The following GABBR1 variants were observed in gnomAD, a reference collection of about 807,000 sequenced individuals.
GABBR1 encodes the protein GABA-B receptor, R1 subunit.
Under a neutral mutation model 117.7 loss-of-function variants are expected in GABBR1, and 35 were observed. That is an observed-to-expected ratio of 0.30 (90% CI 0.23 to 0.39). The LOEUF (loss-of-function observed/expected upper bound fraction) is 0.39, where lower values mean the gene tolerates loss of function less well. Among genes scored for constraint, GABBR1 ranks in the 10% least tolerant of loss-of-function variants. The probability of loss-of-function intolerance (pLI) is 1.00; values close to 1 mark genes in which losing one functional copy is unlikely to be tolerated. For missense variants in GABBR1, 709 were observed against 1,241.8 expected (o/e 0.57, Z 6.45); for synonymous variants, 442 against 486.6 (o/e 0.91, Z 1.21).
At position 29,621,266 on chromosome 6, in the gene GABBR1, C is replaced by G; in HGVS notation, c.1158G>C (p.Lys386Asn). 6.2e-7 allele frequency: 1 copy of G among 1,612,988 alleles called. No homozygotes were observed. ...CEVYKERLFG[K>N]KYVWFLIGWY... ...ACCCAATGAGGAACCAGACGTACTT[C>G]TTCCCAAAGAGACGCTCCTTGTACA... is the stretch of plus-strand genomic sequence containing the variant. Residue 386 changes from lysine to asparagine, a missense_variant, in exon 11 of 23, where the codon AAG becomes AAC. Transcript: ENST00000377034. The surrounding 1 kb of genome is among the most constrained non-coding windows in gnomAD (Gnocchi z 5.0).
Position 29,632,433 on chromosome 6 carries a change from G to T in GABBR1, c.1-48C>A. 7.7e-7 allele frequency: 1 copy of T among 1,299,106 alleles called. No individual in the cohort carries two copies. 80.5% of individuals were successfully genotyped at this position (1,299,106 alleles called of 1,614,324 possible). A position where few individuals can be genotyped will look rare whatever the true frequency, so the allele number is the denominator to read the frequency against. Reference sequence around the variant, plus strand: ...GACTGGACCGAGCCCCGCCGGCGCGGCCCGCACCCGGAGACTACTCGACCT... The same window carrying T: ...GACTGGACCGAGCCCCGCCGGCGCGTCCCGCACCCGGAGACTACTCGACCT... On this transcript the variant is annotated intron_variant, in intron 1 of 22. Transcript: ENST00000377034. The surrounding 1 kb of genome is among the most constrained non-coding windows in gnomAD (Gnocchi z 5.8).
At chr6:29,624,117 T>G in intron 6 of GABBR1, 93 bp from the exon 7 acceptor site, 1 of 1,230,214 alleles carries the variant, frequency 8.1e-7, no homozygotes, top group Non-Finnish European at 1.1e-6. Context: ...AATTAGTTCC[T>G]TTCTCAATTA....
chr6:29,630,910 A>G lies in GABBR1; in HGVS notation c.290-267T>C, dbSNP rs950811377. On this transcript the variant is annotated intron_variant, in intron 3 of 22. Coordinates refer to ENST00000377034, the MANE Select transcript of GABBR1 (RefSeq NM_001470.4). The surrounding 1 kb of genome is among the most constrained non-coding windows in gnomAD (Gnocchi z 4.9). ...AAATGGGATCTCTTCAAAGTCAGCT[A>G]CAGTGGGCGGTTCTCTGGCTTTGAA... is the stretch of plus-strand genomic sequence containing the variant. 1.3e-5 allele frequency among the ~76,000 whole-genome samples: 2 copies of G among 152,222 alleles called. No individual in the cohort carries two copies. The highest frequency in any genetic ancestry group is 4.8e-5 in the African/African-American group (2 of 41,466).
At position 29,621,666 on chromosome 6, in the gene GABBR1, C is replaced by T; in HGVS notation, c.1131+86G>A. 8.5e-7 allele frequency: 1 copy of T among 1,172,944 alleles called. No homozygotes were observed. Among genetic ancestry groups the T allele is most frequent in the Non-Finnish European group, 1.3e-6 (1 of 779,982 alleles). 72.7% of individuals were successfully genotyped at this position (1,172,944 alleles called of 1,614,324 possible). On this transcript the variant is annotated intron_variant, in intron 10 of 22. Coordinates refer to ENST00000377034, the MANE Select transcript of GABBR1 (RefSeq NM_001470.4). This position sits in a 1 kb window ranked among gnomAD's most constrained non-coding sequence, Gnocchi z 5.0. ...CACCTCAGATCATATGCTATCAACTCAGGCACAGATGCCAAGAGGAGGCCC... is the reference window on the plus strand; with the variant it reads ...CACCTCAGATCATATGCTATCAACTTAGGCACAGATGCCAAGAGGAGGCCC...
Position 29,604,837 on chromosome 6 carries a change from T to C in GABBR1, c.2568+23A>G. ...GGAGGGAACATGGGAACAAAGAGGG[T>C]GGGAGAAAAGCCAGATCCTTACCTT... On this transcript the variant is annotated intron_variant, in intron 21 of 22. Transcript: ENST00000377034. The surrounding 1 kb of genome is among the most constrained non-coding windows in gnomAD (Gnocchi z 5.3). The C allele has an allele frequency of 6.2e-7, 1 of 1,606,678 alleles. No homozygotes were observed. Among genetic ancestry groups the C allele is most frequent in the Middle Eastern group, 1.7e-4 (1 of 6,016 alleles).
At position 29,608,630 on chromosome 6, in the gene GABBR1, C is replaced by T. The variant is rs144688306; in HGVS notation, c.1963G>A (p.Gly655Arg). ...CAGACGAAAGGAAACTGGTTCCTCCCAATGTGGTAACCATCGAGCCCCAGG... is the reference window on the plus strand; with the variant it reads ...CAGACGAAAGGAAACTGGTTCCTCCTAATGTGGTAACCATCGAGCCCCAGG... ...FPLGLDGYHIGRNQFPFVCQA... is the reference protein window; with the variant it reads ...FPLGLDGYHIRRNQFPFVCQA... The change falls in exon 16 of 23, where the codon GGG becomes AGG. Residue 655 changes from glycine (G) to arginine (R), a missense_variant. Around this residue, in one of 9 missense-constraint regions of GABBR1, gnomAD observed 251 missense variants for 445.3 expected, o/e 0.56. Coordinates refer to ENST00000377034, the MANE Select transcript of GABBR1 (RefSeq NM_001470.4). 1.9e-4 allele frequency: 299 copies of T among 1,612,848 alleles called. No individual in the cohort carries two copies. Among genetic ancestry groups the T allele is most frequent in the Non-Finnish European group, 2.3e-4 (275 of 1,179,990 alleles).
intron 22 of GABBR1, 116 bp from the exon 23 acceptor site, chr6:29,603,832 G>A (rs10946999): frequency 1.8e-5 from 12 of 666,258 alleles, no homozygotes; most frequent in Non-Finnish European, 2.7e-5. Context: ...AAAAATGTAG[G>A]GGGAGGACGT....
At chr6:29,628,922 A>C (rs1764663621) in intron 5 of GABBR1, among the ~76,000 whole-genome samples, 165 bp downstream of exon 5, 1 of 149,164 alleles carries the variant, frequency 6.7e-6, no homozygotes, top group Non-Finnish European at 1.5e-5. Context: ...GACTGGAGGC[A>C]GGAAACAGGT....
At chr6:29,612,884 C>T (rs565548047) in intron 12 of GABBR1, among the ~76,000 whole-genome samples, 2 of 152,266 alleles carry the variant, frequency 1.3e-5, no homozygotes, top group South Asian at 4.1e-4. Flanking sequence ...GTTGTGTGGC[C>T]TAAGCAAGTC....
At chr6:29,629,367 T>C (rs1166026185) in intron 4 of GABBR1, 1 of 641,792 alleles carries the variant, frequency 1.6e-6, no homozygotes, top group Non-Finnish European at 2.8e-6. Flanking sequence ...TTGGGGCAGA[T>C]CTTGGTTCTG....
rs1761485052 is a variant in GABBR1, at chr6:29,602,650, G to C, written c.*893C>G. ...GGGTAGGGTACATATGGCTCTGTCAGAAGAATACCATGATTTAAGGGAAGA... is the reference window on the plus strand; with the variant it reads ...GGGTAGGGTACATATGGCTCTGTCACAAGAATACCATGATTTAAGGGAAGA... On this transcript the variant is annotated 3_prime_UTR_variant, in exon 23 of 23. Coordinates refer to ENST00000377034, the MANE Select transcript of GABBR1 (RefSeq NM_001470.4). 1 of 270,086 alleles carries C rather than the reference G, an allele frequency of 3.7e-6. No homozygotes were observed. Among genetic ancestry groups the C allele is most frequent in the African/African-American group, 2.2e-5 (1 of 45,162 alleles). 16.7% of individuals were successfully genotyped at this position (270,086 alleles called of 1,614,324 possible). A position where few individuals can be genotyped will look rare whatever the true frequency, so the allele number is the denominator to read the frequency against.
At chr6:29,629,297 TTTC>T (rs1417968215) in intron 4 of GABBR1, 190 bp from the exon 5 acceptor site, 2 of 706,570 alleles carry the variant, frequency 2.8e-6, no homozygotes, top group Middle Eastern at 2.3e-4. Flanking sequence ...CAGGACTTAT[TTTC>T]TTCTTCGATT....
At chr6:29,624,783 G>C (rs773034979) in intron 6 of GABBR1, among the ~76,000 whole-genome samples, 1 of 152,030 alleles carries the variant, frequency 6.6e-6, no homozygotes, top group Non-Finnish European at 1.5e-5. Flanking sequence ...CAGAAAGCTG[G>C]AGAAGAAAGG....
In GABBR1 at chr6:29,606,968, G is replaced by A; in HGVS notation, c.2146C>T (p.Leu716=). Residue 716 remains leucine (L), a synonymous_variant, in exon 18 of 23, where the codon CTG becomes TTG. Coordinates refer to ENST00000377034, the MANE Select transcript of GABBR1 (RefSeq NM_001470.4). The surrounding 1 kb of genome is among the most constrained non-coding windows in gnomAD (Gnocchi z 4.5). ...EPWKLYATVG[L]LVGMDVLTLA... is the part of the protein sequence containing the mutation. ...GTGAGGACATCCATGCCCACCAGCA[G>A]GCCCACTGTGGCATACAGCTTCCAG... The A allele has an allele frequency of 6.2e-7, 1 of 1,614,234 alleles. No homozygotes were observed. The highest frequency in any genetic ancestry group is 8.5e-7 in the Non-Finnish European group (1 of 1,180,042).
Position 29,609,662 on chromosome 6 carries a change from G to A in GABBR1, c.1709-283C>T, listed in dbSNP as rs1234057037. Reference sequence around the variant, plus strand: ...GCTGAGGCATGTCCCCAAAGTTGTAGTCTTTGTTTTTGTTTGTTCTTTAAG... The same window carrying A: ...GCTGAGGCATGTCCCCAAAGTTGTAATCTTTGTTTTTGTTTGTTCTTTAAG... On this transcript the variant is annotated intron_variant, in intron 14 of 22. Coordinates refer to ENST00000377034, the MANE Select transcript of GABBR1 (RefSeq NM_001470.4). This position sits in a 1 kb window ranked among gnomAD's most constrained non-coding sequence, Gnocchi z 4.3. Among the ~76,000 whole-genome samples the A allele has an allele frequency of 1.3e-5, 2 of 152,192 alleles. No homozygotes were observed. The highest frequency in any genetic ancestry group is 4.8e-5 in the African/African-American group (2 of 41,444).
chr6:29,607,308 C>G lies in GABBR1; in HGVS notation c.1993-90G>C, dbSNP rs1340448630. 9.7e-6 allele frequency: 10 copies of G among 1,034,958 alleles called. No individual in the cohort carries two copies. The highest frequency in any genetic ancestry group is 1.5e-5 in the Non-Finnish European group (10 of 667,842). The allele number at this position is 1,034,958 out of a possible 1,614,324, so 64.1% of individuals were successfully genotyped here. On this transcript the variant is annotated intron_variant, in intron 16 of 22. Transcript: ENST00000377034. This position sits in a 1 kb window ranked among gnomAD's most constrained non-coding sequence, Gnocchi z 5.0. ...GGGCAGAACCCTAAGGGAGAGTGGG[C>G]AGGGAGCACGGGCAGGGAGCTCATG...
rs1477403190 is a variant in GABBR1, at chr6:29,621,204, G to A, written c.1220C>T (p.Ser407Phe). ...ADNWFKIYDP[S>F]INCTVDEMTE... is the part of the protein sequence containing the mutation. ...CATCTCATCCACTGTGCAGTTGATA[G>A]AAGGGTCGTAGATCTTGAACCAATT... Residue 407 changes from serine to phenylalanine, a missense_variant, in exon 11 of 23, where the codon TCT (serine) becomes TTT (phenylalanine). Transcript: ENST00000377034. The surrounding 1 kb of genome is among the most constrained non-coding windows in gnomAD (Gnocchi z 5.0). 2 of 1,612,878 alleles carry A rather than the reference G, an allele frequency of 1.2e-6. No homozygotes were observed. The highest frequency in any genetic ancestry group is 1.3e-5 in the African/African-American group (1 of 74,932).
At chr6:29,624,076 C>G in intron 6 of GABBR1, 52 bp from the exon 7 acceptor site, 1 of 1,507,178 alleles carries the variant, frequency 6.6e-7, no homozygotes, top group Non-Finnish European at 9.0e-7. Context: ...CCTCCCCTGT[C>G]TGCAATTCCT....
chr6:29,631,693 G>T lies in GABBR1; in HGVS notation c.86-94C>A. On this transcript the variant is annotated intron_variant, in intron 2 of 22. Coordinates refer to ENST00000377034, the MANE Select transcript of GABBR1 (RefSeq NM_001470.4). The surrounding 1 kb of genome is among the most constrained non-coding windows in gnomAD (Gnocchi z 5.9). ...GGGAGGAAGGGGAGAGTAGGGCGTGGTCTGTGGGCAGGCTGGGGACAGAGG... is the reference window on the plus strand; with the variant it reads ...GGGAGGAAGGGGAGAGTAGGGCGTGTTCTGTGGGCAGGCTGGGGACAGAGG... 9.0e-7 allele frequency: 1 copy of T among 1,111,386 alleles called. No homozygotes were observed. The highest frequency in any genetic ancestry group is 1.3e-5 in the South Asian group (1 of 75,678). 68.8% of individuals were successfully genotyped at this position (1,111,386 alleles called of 1,614,324 possible).
Sources: allele counts gnomAD v4.1 joint callset (sites outside exome capture counted in the v4.1 genomes callset), GRCh38; gene constraint gnomAD v4.1.1; regional missense constraint gnomAD v4.1.1; non-coding constraint Gnocchi (gnomAD v3.1); transcripts MANE v1.5; gene names NCBI Gene and HGNC (gene_info 2026-07-23, HGNC 2026-07-21).